The following SMAD4 variants were observed in gnomAD, a reference collection of about 807,000 sequenced individuals.
The protein encoded by SMAD4 is MAD homolog 4.
A neutral mutation model predicts 63.2 loss-of-function variants in SMAD4; 7 were observed. The ratio of observed to expected loss-of-function variants is 0.11; its 90% CI spans 0.06 to 0.21. The LOEUF is 0.21. SMAD4 is among the 10% of genes least tolerant of loss of function. SMAD4 has a pLI of 1.00. For missense variants in SMAD4, 312 were observed against 693.8 expected (o/e 0.45, Z 6.18); for synonymous variants, 215 against 235.4 (o/e 0.91, Z 0.79).
rs990898741 is a variant in SMAD4 at position 51,030,246 on chromosome 18, C to T, written c.-505C>T. ...TGGCTTCTCGACAAGTTGGCAGCAA[C>T]AACACGGCCCTGGTCGTCGTCGCCG... is the stretch of plus-strand genomic sequence containing the variant. On this transcript the variant is annotated 5_prime_UTR_variant, in exon 1 of 12. It introduces an in-frame stop codon into an upstream open reading frame of the 5' UTR. Transcript: ENST00000342988. 6.6e-6 allele frequency: 1 copy of T among 152,498 alleles called. No individual in the cohort carries two copies. Among genetic ancestry groups the T allele is most frequent in the Non-Finnish European group, 1.5e-5 (1 of 68,024 alleles). The allele number at this position is 152,498 out of a possible 1,614,324, so 9.4% of individuals were successfully genotyped here. A position where few individuals can be genotyped will look rare whatever the true frequency, so the allele number is the denominator to read the frequency against.
chr18:51,077,949 T>C (rs554204969), intron 11 of SMAD4, among the ~76,000 whole-genome samples: 38 of 152,288 alleles, frequency 2.5e-4, no homozygotes, highest in African/African-American at 8.7e-4. Flanking sequence ...TAAAAACAAG[T>C]TGTTTCTTAT....
rs149270549 is a variant in SMAD4 at position 51,043,330 on chromosome 18, G to T, written c.-127-3590G>T. 2.8e-3 allele frequency among the ~76,000 whole-genome samples: 429 copies of T among 152,220 alleles called. 4 individuals carry two copies. Among genetic ancestry groups the T allele is most frequent in the African/African-American group, 0.01 (418 of 41,540 alleles). On this transcript the variant is annotated intron_variant, in intron 1 of 11. Transcript: ENST00000342988. Reference sequence around the variant, plus strand: ...TGTTTCCCACATTTCTTTTATGTACGTTGTTGCATCTAATTACCACAATAA... The same window carrying T: ...TGTTTCCCACATTTCTTTTATGTACTTTGTTGCATCTAATTACCACAATAA...
At chr18:51,050,129 G>A (rs368794486) in intron 4 of SMAD4, among the ~76,000 whole-genome samples, 1 of 152,084 alleles carries the variant, frequency 6.6e-6, no homozygotes, top group Middle Eastern at 3.2e-3. Flanking sequence ...AGGCTTAAGC[G>A]GGTGGATCAC....
rs537464619 is a variant in SMAD4 at position 51,082,717 on chromosome 18, G to A, written c.*4250G>A. ...TTACTAAATGGTCTGAGACAGCTAT[G>A]GTTTTGAATTTTTAGTTTTTTTTTT... is the stretch of plus-strand genomic sequence containing the variant. On this transcript the variant is annotated 3_prime_UTR_variant, in exon 12 of 12. Transcript: ENST00000342988. 4.3e-6 allele frequency: 1 copy of A among 231,078 alleles called. No homozygotes were observed. Among genetic ancestry groups the A allele is most frequent in the South Asian group, 1.8e-4 (1 of 5,480 alleles). 14.3% of individuals were successfully genotyped at this position (231,078 alleles called of 1,614,324 possible).
chr18:51,037,033 G>A (rs1909226960), intron 1 of SMAD4, among the ~76,000 whole-genome samples: 2 of 152,234 alleles, frequency 1.3e-5, no homozygotes, highest in Non-Finnish European at 2.9e-5. Flanking sequence ...GGTGGCACAT[G>A]CCTGTAATCC....
At chr18:51,074,907 G>T (rs1435015681) in intron 10 of SMAD4, among the ~76,000 whole-genome samples, 1 of 152,032 alleles carries the variant, frequency 6.6e-6, no homozygotes, top group African/African-American at 2.4e-5. Context: ...TTTTTTTGTG[G>T]AGTTGGGGTC....
chr18:51,068,276 A>C lies in SMAD4; in HGVS notation c.1308+1089A>C, dbSNP rs1333136854. ...CGAAAATAATAAACCACATGTACCT[A>C]TCATCCAGCTGCAACAATTATCAGC... On this transcript the variant is annotated intron_variant, in intron 10 of 11. Transcript: ENST00000342988. Among the ~76,000 whole-genome samples, 4 of 152,316 alleles carry C rather than the reference A, an allele frequency of 2.6e-5. 1 individual carries two copies. The Middle Eastern group carries it at 0.014, about 518-fold the overall frequency.
At chr18:51,073,384 TATATAC>T (rs1425663367) in intron 10 of SMAD4, among the ~76,000 whole-genome samples, 86 of 85,734 alleles carry the variant, frequency 1.0e-3, no homozygotes, top group African/African-American at 3.6e-3. Flanking sequence ...TATATATATA[TATATAC>T]ACACACACAC....
At chr18:51,037,413 G>A (rs1262745511) in intron 1 of SMAD4, among the ~76,000 whole-genome samples, 1 of 152,114 alleles carries the variant, frequency 6.6e-6, no homozygotes, top group East Asian at 1.9e-4. Flanking sequence ...GGTGGTGAAG[G>A]AGCAGTGGTG....
chr18:51,057,662 A>G (rs1054385409), intron 5 of SMAD4, among the ~76,000 whole-genome samples: 8 of 152,204 alleles, frequency 5.3e-5, no homozygotes, highest in African/African-American at 1.7e-4. Flanking sequence ...TTCTCTGTCA[A>G]ACCCTAGCAT....
At chr18:51,077,601 A>G (rs1405465255) in intron 11 of SMAD4, among the ~76,000 whole-genome samples, 2 of 152,232 alleles carry the variant, frequency 1.3e-5, no homozygotes, top group Admixed American at 1.3e-4. Context: ...GGAGTTTACA[A>G]TTTAGAGGTA....
chr18:51,057,595 T>C (rs1313855843), intron 5 of SMAD4, among the ~76,000 whole-genome samples: 1 of 152,250 alleles, frequency 6.6e-6, no homozygotes, highest in Non-Finnish European at 1.5e-5. Flanking sequence ...GCTAGATCTT[T>C]TTAACTTCCT....
At chr18:51,033,535 C>A (rs1248239251) in intron 1 of SMAD4, among the ~76,000 whole-genome samples, 1 of 152,124 alleles carries the variant, frequency 6.6e-6, no homozygotes, top group East Asian at 1.9e-4. Context: ...ACATTTTGGG[C>A]TTTTTGTTCA....
intron 8 of SMAD4, among the ~76,000 whole-genome samples, chr18:51,062,522 A>G (rs1261962081): frequency 3.3e-5 from 5 of 151,456 alleles, no homozygotes; most frequent in Non-Finnish European, 5.9e-5. Context: ...TTATTTTGAG[A>G]TGAACTCTTG....
intron 10 of SMAD4, among the ~76,000 whole-genome samples, chr18:51,074,655 TA>T (rs1333935787): frequency 6.6e-6 from 1 of 152,196 alleles, no homozygotes; most frequent in African/African-American, 2.4e-5. Context: ...AAAACTGCTC[TA>T]AAAAAGTAAA....
chr18:51,063,422 T>A (rs985737302), intron 8 of SMAD4, among the ~76,000 whole-genome samples: 8 of 152,032 alleles, frequency 5.3e-5, no homozygotes, highest in Non-Finnish European at 1.0e-4. Flanking sequence ...TATATTTTTT[T>A]AAATTTTTGA....
rs1568213173 is a variant in SMAD4 at position 51,084,030 on chromosome 18, ACACAC to A, written c.*5564_*5568del. 1.3e-5 allele frequency: 3 copies of A among 231,784 alleles called. No homozygotes were observed. Among genetic ancestry groups the A allele is most frequent in the Non-Finnish European group, 2.6e-5 (3 of 117,596 alleles). The allele number at this position is 231,784 out of a possible 1,614,324, so 14.4% of individuals were successfully genotyped here. A position where few individuals can be genotyped will look rare whatever the true frequency, so the allele number is the denominator to read the frequency against. On this transcript the variant is annotated 3_prime_UTR_variant, in exon 12 of 12. Transcript: ENST00000342988. ...CGCGCGCGCACACACACACACACAC[ACACAC>A]ACACACACAGGTCAGAGTTTAAGGC... is the stretch of plus-strand genomic sequence containing the variant.
chr18:51,063,435 C>G (rs8083720), intron 8 of SMAD4, among the ~76,000 whole-genome samples: 4,554 of 152,000 alleles, frequency 0.03, 273 homozygotes, highest in African/African-American at 0.1. Flanking sequence ...ATTTTTGAGA[C>G]GGGGTCTCAC....
At chr18:51,068,952 A>G (rs2144457103) in intron 10 of SMAD4, among the ~76,000 whole-genome samples, 1 of 152,128 alleles carries the variant, frequency 6.6e-6, no homozygotes. Flanking sequence ...CAATACATAG[A>G]CTATGATCTC....
Sources: allele counts gnomAD v4.1 joint callset (sites outside exome capture counted in the v4.1 genomes callset), GRCh38; gene constraint gnomAD v4.1.1; transcripts MANE v1.5; gene names NCBI Gene and HGNC (gene_info 2026-07-23, HGNC 2026-07-21).